Variants in RASAL2 observed in about 807,000 individuals in gnomAD.
RASAL2 encodes the protein RAS protein activator like 2.
Under a neutral mutation model 128.9 loss-of-function variants are expected in RASAL2, and 58 were observed. That is an observed-to-expected ratio of 0.45 (90% CI 0.36 to 0.56). The LOEUF (loss-of-function observed/expected upper bound fraction) is 0.56. RASAL2 is among the 20% of genes least tolerant of loss of function. The pLI is 0.00. For missense variants in RASAL2, 1,360 were observed against 1,601.6 expected (o/e 0.85, Z 2.57); for synonymous variants, 561 against 580.8 (o/e 0.97, Z 0.49).
chr1:178,103,054 G>A lies in RASAL2; in HGVS notation c.202+8360G>A, dbSNP rs150916322. Among the ~76,000 whole-genome samples the A allele has an allele frequency of 5.3e-5, 8 of 152,214 alleles. No individual in the cohort carries two copies. The East Asian group carries it at 1.3e-3, about 26-fold the overall frequency. ...CATGAGTTCTGGGGGTCTGGAGCCGGTAAATTGCTTTATATCTGAAATGAT... is the reference window on the plus strand; with the variant it reads ...CATGAGTTCTGGGGGTCTGGAGCCGATAAATTGCTTTATATCTGAAATGAT... On this transcript the variant is annotated intron_variant, in intron 1 of 17. Transcript: ENST00000367649.
chr1:178,121,821 G>A (rs1169088547), intron 1 of RASAL2, among the ~76,000 whole-genome samples: 1 of 151,976 alleles, frequency 6.6e-6, no homozygotes, highest in Admixed American at 6.6e-5. Context: ...CCCCAACCCT[G>A]AACCTCTCTG....
chr1:178,414,904 C>T (rs1266319602), intron 4 of RASAL2, among the ~76,000 whole-genome samples: 2 of 152,048 alleles, frequency 1.3e-5, no homozygotes, highest in Non-Finnish European at 2.9e-5. Flanking sequence ...TTTTAAGGTC[C>T]ATAGAACCTG....
At chr1:178,291,689 G>A (rs952409265) in intron 2 of RASAL2, among the ~76,000 whole-genome samples, 2 of 152,146 alleles carry the variant, frequency 1.3e-5, no homozygotes, top group African/African-American at 2.4e-5. Context: ...AATTTCTTGT[G>A]TAGGAACCAG....
Position 178,442,716 on chromosome 1 carries a change from C to A in RASAL2, c.969C>A (p.Ile323=). 6.2e-7 allele frequency: 1 copy of A among 1,612,870 alleles called. No homozygotes were observed. Among genetic ancestry groups the A allele is most frequent in the Non-Finnish European group, 8.5e-7 (1 of 1,179,500 alleles). ...RRAENVLRLW[I]IEAKDLAPKK... ...CTGAAAATGTTCTTCGTTTATGGAT[C>A]ATTGAAGCCAAGGACCTTGCCCCTA... Residue 323 remains isoleucine (I), a synonymous_variant, in exon 8 of 18, where the codon ATC becomes ATA. Coordinates refer to ENST00000367649, the MANE Select transcript of RASAL2 (RefSeq NM_170692.4).
At chr1:178,192,189 G>A (rs1330709907) in intron 1 of RASAL2, among the ~76,000 whole-genome samples, 1 of 152,122 alleles carries the variant, frequency 6.6e-6, no homozygotes, top group African/African-American at 2.4e-5. Context: ...GAGTTTCGTG[G>A]TACTCTGTGC....
chr1:178,166,758 A>G (rs758473300), intron 1 of RASAL2, among the ~76,000 whole-genome samples: 2 of 152,104 alleles, frequency 1.3e-5, no homozygotes, highest in African/African-American at 2.4e-5. Context: ...TTTTTCGTGT[A>G]CTAGGTAAGT....
rs1677387646 is a variant in RASAL2, at chr1:178,451,726, C to G, written c.1772+11C>G. On this transcript the variant is annotated intron_variant, in intron 10 of 17. Coordinates refer to ENST00000367649, the MANE Select transcript of RASAL2 (RefSeq NM_170692.4). Reference sequence around the variant, plus strand: ...CATCAACTCTTACTGGTGAGCTTATCTTATCCTCTGCCTTACATTTTTTCA... The same window carrying G: ...CATCAACTCTTACTGGTGAGCTTATGTTATCCTCTGCCTTACATTTTTTCA... 1 of 1,610,146 alleles carries G rather than the reference C, an allele frequency of 6.2e-7. No individual in the cohort carries two copies. The highest frequency in any genetic ancestry group is 1.1e-5 in the South Asian group (1 of 90,326).
At chr1:178,181,686 AGTCTCTC>A (rs1662114757) in intron 1 of RASAL2, among the ~76,000 whole-genome samples, 1 of 151,908 alleles carries the variant, frequency 6.6e-6, no homozygotes, top group Non-Finnish European at 1.5e-5. Context: ...TGGCTGTGAC[AGTCTCTC>A]AGGCGTTCTT....
chr1:178,312,934 C>A (rs879511691), intron 3 of RASAL2, among the ~76,000 whole-genome samples: 4 of 151,862 alleles, frequency 2.6e-5, no homozygotes, highest in Admixed American at 1.3e-4. Context: ...CCTTGTAAAC[C>A]CAAGAGGTAG....
chr1:178,254,737 A>C (rs540438428), intron 1 of RASAL2, among the ~76,000 whole-genome samples: 1 of 152,342 alleles, frequency 6.6e-6, no homozygotes, highest in African/African-American at 2.4e-5. Flanking sequence ...AGAGAGAGAA[A>C]GAAACAGAAA....
At chr1:178,242,973 T>A (rs1425083516) in intron 1 of RASAL2, among the ~76,000 whole-genome samples, 1 of 152,262 alleles carries the variant, frequency 6.6e-6, no homozygotes, top group Non-Finnish European at 1.5e-5. Flanking sequence ...ATAATTTTAA[T>A]GTCTGATTTT....
chr1:178,415,859 G>A (rs1253327371), intron 4 of RASAL2, among the ~76,000 whole-genome samples: 2 of 152,036 alleles, frequency 1.3e-5, no homozygotes, highest in Non-Finnish European at 2.9e-5. Flanking sequence ...TGCTCTGTCT[G>A]AAATTAATAT....
At chr1:178,176,015 A>G (rs569412906) in intron 1 of RASAL2, among the ~76,000 whole-genome samples, 1 of 152,190 alleles carries the variant, frequency 6.6e-6, no homozygotes, top group Non-Finnish European at 1.5e-5. Context: ...AACAATAAAC[A>G]TACATATACA....
chr1:178,273,631 G>C (rs1666362295), intron 1 of RASAL2, among the ~76,000 whole-genome samples: 1 of 152,074 alleles, frequency 6.6e-6, no homozygotes, highest in African/African-American at 2.4e-5. Context: ...GTTTTAGATG[G>C]GTTTGAACTA....
At chr1:178,252,478 T>A (rs1223543827) in intron 1 of RASAL2, among the ~76,000 whole-genome samples, 1 of 152,086 alleles carries the variant, frequency 6.6e-6, no homozygotes, top group Non-Finnish European at 1.5e-5. Flanking sequence ...AAATAAAAAA[T>A]TTATTTTGTT....
At chr1:178,163,186 T>A (rs990010887) in intron 1 of RASAL2, among the ~76,000 whole-genome samples, 8 of 151,954 alleles carry the variant, frequency 5.3e-5, no homozygotes, top group Non-Finnish European at 1.2e-4. Context: ...CAGGCTAGTC[T>A]TGAACTCCTG....
chr1:178,116,502 A>G (rs1659522836), intron 1 of RASAL2, among the ~76,000 whole-genome samples: 1 of 152,132 alleles, frequency 6.6e-6, no homozygotes, highest in East Asian at 1.9e-4. Flanking sequence ...TGATTCCATT[A>G]TTTAGGTTAT....
At chr1:178,172,334 G>T (rs891550268) in intron 1 of RASAL2, among the ~76,000 whole-genome samples, 1 of 151,392 alleles carries the variant, frequency 6.6e-6, no homozygotes, top group Admixed American at 6.6e-5. Context: ...TCTCAGTAGA[G>T]AAGCTGGCTG....
At chr1:178,338,985 T>A (rs1669731673) in intron 3 of RASAL2, among the ~76,000 whole-genome samples, 1 of 152,228 alleles carries the variant, frequency 6.6e-6, no homozygotes, top group African/African-American at 2.4e-5. Flanking sequence ...ATGCCTGACG[T>A]TAGTCAGTGC....
Sources: allele counts gnomAD v4.1 joint callset (sites outside exome capture counted in the v4.1 genomes callset), GRCh38; gene constraint gnomAD v4.1.1; transcripts MANE v1.5; gene names NCBI Gene and HGNC (gene_info 2026-07-23, HGNC 2026-07-21).